Variants in SGCZ observed in about 807,000 individuals in gnomAD.
SGCZ encodes the protein zeta-sarcoglycan.
In SGCZ, 40 loss-of-function variants were observed where a neutral mutation model predicts 41.3. The observed-to-expected ratio is 0.97, with a 90% CI of 0.75 to 1.26. The LOEUF (loss-of-function observed/expected upper bound fraction) is 1.26, where lower values mean the gene tolerates loss of function less well. Among genes scored for constraint, SGCZ ranks in the 50% most tolerant of loss-of-function variants. The probability of loss-of-function intolerance (pLI) is 0.00; values close to 1 mark genes in which losing one functional copy is unlikely to be tolerated. For missense variants in SGCZ, 552 were observed against 369.8 expected (o/e 1.49, Z -4.04); for synonymous variants, 206 against 137.5 (o/e 1.50, Z -3.49).
chr8:14,816,990 G>A (rs1801923584), intron 1 of SGCZ, among the ~76,000 whole-genome samples: 1 of 152,116 alleles, frequency 6.6e-6, no homozygotes, highest in African/African-American at 2.4e-5. Flanking sequence ...GTTTCATTAA[G>A]AAACTGAAGG....
At chr8:14,274,137 G>A (rs1427115845) in intron 3 of SGCZ, among the ~76,000 whole-genome samples, 1 of 152,014 alleles carries the variant, frequency 6.6e-6, no homozygotes, top group African/African-American at 2.4e-5. Flanking sequence ...TTAAACTAGA[G>A]TTTTGAGTAC....
intron 2 of SGCZ, among the ~76,000 whole-genome samples, chr8:14,406,378 C>G (rs1799212321): frequency 6.6e-6 from 1 of 152,024 alleles, no homozygotes; most frequent in Non-Finnish European, 1.5e-5. Context: ...AATTTTTTAT[C>G]AGAAATTTTT....
chr8:14,996,945 C>T lies in SGCZ; in HGVS notation c.39+240640G>A, dbSNP rs1023510588. Reference sequence around the variant, plus strand: ...TAGTTATTCGTGGGTTAATAGAGGGCCCCTAATTACTACTCTACATAGTAA... The same window carrying T: ...TAGTTATTCGTGGGTTAATAGAGGGTCCCTAATTACTACTCTACATAGTAA... On this transcript the variant is annotated intron_variant, in intron 1 of 7. Transcript: ENST00000382080. Among the ~76,000 whole-genome samples the T allele has an allele frequency of 7.2e-5, 11 of 152,240 alleles. No individual in the cohort carries two copies. In the East Asian group the frequency reaches 2.1e-3, roughly 29 times the overall value.
chr8:14,529,183 C>G (rs1193001129), intron 2 of SGCZ, among the ~76,000 whole-genome samples: 3 of 152,108 alleles, frequency 2.0e-5, no homozygotes, highest in Non-Finnish European at 4.4e-5. Context: ...GTCATAAGTA[C>G]TTGCATGATT....
chr8:15,154,274 T>G (rs1799264347), intron 1 of SGCZ, among the ~76,000 whole-genome samples: 1 of 152,234 alleles, frequency 6.6e-6, no homozygotes, highest in African/African-American at 2.4e-5. Flanking sequence ...AAGGATATAT[T>G]TCTCACTCAA....
intron 2 of SGCZ, among the ~76,000 whole-genome samples, chr8:14,407,248 T>C (rs907613917): frequency 1.3e-5 from 2 of 151,982 alleles, no homozygotes; most frequent in African/African-American, 4.8e-5. Context: ...TTTATATTTT[T>C]AGTAGAGACA....
At chr8:14,922,744 A>G (rs7836729) in intron 1 of SGCZ, among the ~76,000 whole-genome samples, 35,377 of 152,170 alleles carry the variant, frequency 0.23, 4,614 homozygotes, top group African/African-American at 0.35. Context: ...GCATTTTTGC[A>G]TACATTCAAG....
chr8:15,062,378 A>G (rs1285330830), intron 1 of SGCZ, among the ~76,000 whole-genome samples: 1 of 152,164 alleles, frequency 6.6e-6, no homozygotes, highest in African/African-American at 2.4e-5. Flanking sequence ...TTTAAGACTT[A>G]TAACCAAACT....
intron 2 of SGCZ, among the ~76,000 whole-genome samples, chr8:14,386,992 T>G (rs568453820): frequency 1.3e-5 from 2 of 152,226 alleles, no homozygotes; most frequent in Non-Finnish European, 2.9e-5. Context: ...AAAGATTTGA[T>G]GTTTGCCAAA....
At chr8:14,807,653 G>T (rs1052702638) in intron 1 of SGCZ, among the ~76,000 whole-genome samples, 5 of 151,684 alleles carry the variant, frequency 3.3e-5, no homozygotes, top group African/African-American at 7.3e-5. Context: ...TGGCCATACT[G>T]CCCAAGGTAA....
intron 1 of SGCZ, among the ~76,000 whole-genome samples, chr8:14,899,962 C>A (rs988912913): frequency 3.9e-5 from 6 of 152,030 alleles, no homozygotes; most frequent in African/African-American, 1.4e-4. Context: ...GCAGAGGGTA[C>A]CTGCTGTGAA....
At chr8:15,074,124 T>A (rs1180085924) in intron 1 of SGCZ, among the ~76,000 whole-genome samples, 3 of 152,074 alleles carry the variant, frequency 2.0e-5, no homozygotes, top group Non-Finnish European at 4.4e-5. Flanking sequence ...CAACCCCCCA[T>A]CCAACCGTCA....
rs137969855 is a variant in SGCZ, at chr8:14,334,706, G to A, written c.235-10502C>T. 2.8e-3 allele frequency among the ~76,000 whole-genome samples: 433 copies of A among 152,156 alleles called. 3 individuals are homozygous for A. Among genetic ancestry groups the A allele is most frequent in the Middle Eastern group, 6.8e-3 (2 of 294 alleles). On this transcript the variant is annotated intron_variant, in intron 2 of 7. Coordinates refer to ENST00000382080, the MANE Select transcript of SGCZ (RefSeq NM_139167.4). Reference sequence around the variant, plus strand: ...AGAGTTCTGATATGACAAAACTCTAGTTTGGAGTGCTTATAAAGTCCTCCA... The same window carrying A: ...AGAGTTCTGATATGACAAAACTCTAATTTGGAGTGCTTATAAAGTCCTCCA...
chr8:14,893,738 T>C (rs1252583791), intron 1 of SGCZ, among the ~76,000 whole-genome samples: 4 of 152,192 alleles, frequency 2.6e-5, no homozygotes, highest in African/African-American at 4.8e-5. Context: ...ATAACTTGCC[T>C]ACCAAAGTCA....
intron 1 of SGCZ, among the ~76,000 whole-genome samples, chr8:15,023,035 G>C (rs185187113): frequency 6.6e-6 from 1 of 152,216 alleles, no homozygotes; most frequent in Admixed American, 6.5e-5. Flanking sequence ...CCTTTTGTCT[G>C]ATTAGTCAGT....
chr8:14,732,309 G>T (rs1451766872), intron 1 of SGCZ, among the ~76,000 whole-genome samples: 2 of 152,100 alleles, frequency 1.3e-5, no homozygotes, highest in Non-Finnish European at 2.9e-5. Flanking sequence ...GCTAAGGAGG[G>T]GTAATATCTG....
chr8:14,731,228 C>G (rs1028640364), intron 1 of SGCZ, among the ~76,000 whole-genome samples: 1 of 151,708 alleles, frequency 6.6e-6, no homozygotes, highest in African/African-American at 2.4e-5. Flanking sequence ...AGTTCATGTC[C>G]TTTGCAGGGA....
intron 6 of SGCZ, among the ~76,000 whole-genome samples, chr8:14,103,293 A>T (rs1057239305): frequency 3.3e-5 from 5 of 152,006 alleles, no homozygotes; most frequent in African/African-American, 1.2e-4. Flanking sequence ...ATGACACACA[A>T]CACAGGAACT....
intron 1 of SGCZ, among the ~76,000 whole-genome samples, chr8:14,608,959 C>T (rs369233974): frequency 7.9e-5 from 12 of 151,892 alleles, no homozygotes; most frequent in African/African-American, 2.4e-4. Flanking sequence ...TAGAAGAATA[C>T]GAAAAAAACC....
Sources: allele counts gnomAD v4.1 joint callset (sites outside exome capture counted in the v4.1 genomes callset), GRCh38; gene constraint gnomAD v4.1.1; transcripts MANE v1.5; gene names NCBI Gene and HGNC (gene_info 2026-07-23, HGNC 2026-07-21).